Variants in ZNF730 observed in about 807,000 individuals in gnomAD.
ZNF730 encodes the protein putative zinc finger protein 730.
Under a neutral mutation model 12.6 loss-of-function variants are expected in ZNF730, and 12 were observed. That is an observed-to-expected ratio of 0.95 (90% CI 0.61 to 1.54). ZNF730 has a LOEUF of 1.54. Among genes scored for constraint, ZNF730 ranks in the 40% most tolerant of loss-of-function variants. The pLI is 0.00. For synonymous variants in ZNF730, 194 were observed against 195.8 expected, an observed-to-expected ratio of 0.99 and a Z score of 0.08; for missense variants, 643 against 583.5, an observed-to-expected ratio of 1.10 and a Z score of -1.05.
chr19:23,096,171 CTCTT>C (rs1286389115), intron 1 of ZNF730, among the ~76,000 whole-genome samples: 2 of 152,022 alleles, frequency 1.3e-5, no homozygotes, highest in Non-Finnish European at 2.9e-5. Flanking sequence ...GGTGAAATGA[CTCTT>C]TGTTTGGGCC....
intron 1 of ZNF730, among the ~76,000 whole-genome samples, chr19:23,096,697 C>T (rs1430045694): frequency 6.6e-6 from 1 of 152,190 alleles, no homozygotes; most frequent in African/African-American, 2.4e-5. Context: ...CATGGGCCCT[C>T]CCCACAAGGG....
intron 1 of ZNF730, 63 bp downstream of exon 1, chr19:23,117,239 G>T (rs1046044596): frequency 1.2e-6 from 2 of 1,612,194 alleles, no homozygotes; most frequent in Non-Finnish European, 1.7e-6. Flanking sequence ...GGTGGGAAGC[G>T]GCTGTGGCGG....
chr19:23,089,972 G>A (rs1353808552), intron 1 of ZNF730, among the ~76,000 whole-genome samples: 1 of 152,170 alleles, frequency 6.6e-6, no homozygotes. Context: ...AGAGGGCTGG[G>A]CACAGTGGCT....
intron 3 of ZNF730, among the ~76,000 whole-genome samples, chr19:23,142,118 G>A (rs200810072): frequency 1.3e-5 from 2 of 152,238 alleles, no homozygotes; most frequent in East Asian, 3.9e-4. Flanking sequence ...TAGGTTCCCA[G>A]TGAATAAATC....
chr19:23,123,869 T>C (rs73031422), intron 1 of ZNF730: 8,347 of 154,064 alleles, frequency 0.054, 263 homozygotes, highest in Middle Eastern at 0.094. Context: ...TAGTATCCCA[T>C]GGTCTCTGTG....
chr19:23,100,408 T>G (rs1442909674), intron 1 of ZNF730: 1 of 152,184 alleles, frequency 6.6e-6, no homozygotes, highest in East Asian at 1.9e-4. Flanking sequence ...AATCTCACTC[T>G]CTGACATATA....
intron 1 of ZNF730, among the ~76,000 whole-genome samples, chr19:23,085,382 G>A (rs137967916): frequency 2.9e-4 from 43 of 147,378 alleles, no homozygotes; most frequent in African/African-American, 1.1e-3. Context: ...TTTTTAAGTA[G>A]AGACAGGGTT....
In ZNF730 at chr19:23,146,255, C is replaced by T. The variant is rs762926990; in HGVS notation, c.1211C>T (p.Ala404Val). The change falls in exon 4 of 4, where the codon GCC (alanine) becomes GTC (valine). Residue 404 changes from alanine (A) to valine (V), a missense_variant. Physicochemically the swap from Ala to Val is moderately conservative, Grantham distance 64 (BLOSUM62 0). Coordinates refer to ENST00000597761, the MANE Select transcript of ZNF730 (RefSeq NM_001277403.2). ...TACAAATGTGAAGAATGTGGCAAAG[C>T]CTTTAGCCGTATCTCACACCTTACT... The part of the protein sequence containing the change: ...KFYKCEECGK[A>V]FSRISHLTTH... The T allele has an allele frequency of 2.1e-5, 34 of 1,613,282 alleles. No individual in the cohort carries two copies. The highest frequency in any genetic ancestry group is 2.6e-5 in the Non-Finnish European group (31 of 1,179,692).
chr19:23,078,754 G>C (rs1969911036), intron 1 of ZNF730, among the ~76,000 whole-genome samples: 1 of 151,954 alleles, frequency 6.6e-6, no homozygotes, highest in East Asian at 1.9e-4. Flanking sequence ...GGAGGGGCAG[G>C]CCACCCCTTC....
intron 1 of ZNF730, among the ~76,000 whole-genome samples, chr19:23,129,004 G>C (rs555140380): frequency 6.6e-6 from 1 of 152,254 alleles, no homozygotes; most frequent in Non-Finnish European, 1.5e-5. Flanking sequence ...CCAAGCCTTG[G>C]CAGCTTCCAT....
At chr19:23,117,394 G>T (rs770780488) in intron 1 of ZNF730, among the ~76,000 whole-genome samples, 19 of 152,146 alleles carry the variant, frequency 1.2e-4, no homozygotes, top group Non-Finnish European at 2.4e-4. Context: ...CTGTGACTGT[G>T]CCCTGCCCTG....
At chr19:23,126,155 C>G (rs1270903748) in intron 1 of ZNF730, among the ~76,000 whole-genome samples, 1 of 151,990 alleles carries the variant, frequency 6.6e-6, no homozygotes, top group Admixed American at 6.6e-5. Flanking sequence ...TTAAAAAATT[C>G]TGTTTTAAAG....
intron 1 of ZNF730, among the ~76,000 whole-genome samples, chr19:23,077,423 G>GTTTTTT (rs1969882469): frequency 7.2e-5 from 7 of 96,938 alleles, no homozygotes; most frequent in African/African-American, 2.9e-4. Flanking sequence ...TTCCCTAAGA[G>GTTTTTT]CTTTTTTTTT....
chr19:23,124,093 G>A (rs1292047358), intron 1 of ZNF730: 1 of 152,228 alleles, frequency 6.6e-6, no homozygotes, highest in African/African-American at 2.4e-5. Flanking sequence ...TCTCTGATGT[G>A]ACACTAGAGT....
rs1044313453 is a variant in ZNF730 at position 23,131,578 on chromosome 19, AGATT to A, written c.4-2496_4-2493del. On this transcript the variant is annotated intron_variant, in intron 1 of 3. Transcript: ENST00000597761. ...CAAAGATTATAATACTTTAAGGTGG[AGATT>A]GATTGTCTTTATTTGTACCAAAAGT... Among the ~76,000 whole-genome samples the A allele has an allele frequency of 7.9e-5, 12 of 152,354 alleles. 1 individual carries two copies. In the South Asian group the frequency reaches 1.7e-3, roughly 21 times the overall value.
Position 23,077,105 on chromosome 19 carries a change from T to A in ZNF730, c.-94+1718T>A, listed in dbSNP as rs374670998. Among the ~76,000 whole-genome samples the A allele has an allele frequency of 5.3e-4, 80 of 152,216 alleles. 2 individuals carry two copies. In the East Asian group the frequency reaches 0.015, roughly 28 times the overall value. The stretch of plus-strand genomic sequence containing the variant: ...CAGGAACAGAAAACTAAATACCACA[T>A]ATTCTCACTTTAAAGTGAAAGTTGA... On this transcript the variant is annotated intron_variant, in intron 1 of 2. Coordinates refer to the ZNF730 transcript ENST00000593635.
intron 1 of ZNF730, chr19:23,100,423 GC>G (rs1042532683): frequency 3.3e-5 from 5 of 152,094 alleles, no homozygotes; most frequent in African/African-American, 9.7e-5. Flanking sequence ...CATATATAAA[GC>G]CCTAGTGTGT....
chr19:23,109,424 T>C (rs1177248370), intron 1 of ZNF730, among the ~76,000 whole-genome samples: 3 of 151,756 alleles, frequency 2.0e-5, no homozygotes, highest in African/African-American at 7.3e-5. Flanking sequence ...TTCTTTTTTT[T>C]TTGAGGCGGA....
At chr19:23,116,573 C>CTTTTTTTTTTT (rs5827552), upstream of ZNF730, among the ~76,000 whole-genome samples, 114 of 86,906 alleles carry the variant, frequency 1.3e-3, no homozygotes, top group East Asian at 3.0e-3. Flanking sequence ...CTCCCAGCTA[C>CTTTTTTTTTTT]TTTTTTTTTT....
Sources: gnomAD v4.1 joint callset for allele counts (sites outside exome capture counted in the v4.1 genomes callset) on GRCh38, gnomAD v4.1.1 for gene constraint, MANE v1.5 for transcripts, NCBI Gene and HGNC (gene_info 2026-07-23, HGNC 2026-07-21) for gene names.